CRISP2: variants seen among roughly 807,000 people sequenced by gnomAD.
CRISP2 encodes the protein cysteine-rich secretory protein 2.
CRISP2 carries 29 observed loss-of-function variants against 31.7 expected under a neutral mutation model. The ratio of observed to expected loss-of-function variants is 0.92; its 90% CI spans 0.68 to 1.25. CRISP2 has a LOEUF of 1.25. Ranked by LOEUF, CRISP2 falls within the 50% of genes most tolerant of loss-of-function variation. The pLI, the probability that CRISP2 is intolerant of heterozygous loss-of-function variation, is 0.00. For missense variants in CRISP2, 318 were observed against 286.5 expected, an observed-to-expected ratio of 1.11 and a Z score of -0.79; for synonymous variants, 111 against 101.4, an observed-to-expected ratio of 1.09 and a Z score of -0.57.
the CRISP2 span, among the ~76,000 whole-genome samples, chr6:49,685,800 T>G: frequency 6.6e-6 from 1 of 152,204 alleles, no homozygotes; most frequent in Non-Finnish European, 1.5e-5. Flanking sequence ...TATAGTTTGT[T>G]TTTTGTTTCT....
At chr6:49,698,548 A>C in intron 6 of CRISP2, 41 bp from the exon 7 acceptor site, 1 of 1,565,060 alleles carries the variant, frequency 6.4e-7, no homozygotes, top group Non-Finnish European at 8.6e-7. Flanking sequence ...ATAAACATGC[A>C]ATGGTAAAAG....
chr6:49,703,365 G>A (rs1766450499), intron 4 of CRISP2, among the ~76,000 whole-genome samples: 1 of 151,870 alleles, frequency 6.6e-6, no homozygotes, highest in South Asian at 2.1e-4. Context: ...AAATGATGAT[G>A]GTATTTTGAT....
chr6:49,695,938 T>C lies in CRISP2; in HGVS notation c.516-14A>G. The stretch of plus-strand genomic sequence containing the variant: ...ATATTATTACCACTGAAATTTGAAA[T>C]ACATGTCAAATATTTTTCACTTTAC... On this transcript the variant is annotated splice_polypyrimidine_tract_variant and intron_variant, in intron 8 of 9. Transcript: ENST00000339139. 6.4e-7 allele frequency: 1 copy of C among 1,554,374 alleles called. No individual in the cohort carries two copies. The highest frequency in any genetic ancestry group is 8.9e-7 in the Non-Finnish European group (1 of 1,128,582).
chr6:49,703,030 A>G (rs890165283), intron 4 of CRISP2, among the ~76,000 whole-genome samples: 4 of 152,096 alleles, frequency 2.6e-5, no homozygotes, highest in African/African-American at 9.7e-5. Context: ...TCATTCTTCT[A>G]CGTGGATCTT....
the CRISP2 span, among the ~76,000 whole-genome samples, chr6:49,686,075 C>T: frequency 6.6e-6 from 1 of 151,936 alleles, no homozygotes; most frequent in African/African-American, 2.4e-5. Context: ...AATGTGAAGC[C>T]ATATATTTTT....
At chr6:49,698,605 C>A in intron 6 of CRISP2, 98 bp from the exon 7 acceptor site, 1 of 1,233,966 alleles carries the variant, frequency 8.1e-7, no homozygotes, top group South Asian at 1.5e-5. Context: ...AACCCAGGGT[C>A]CAGCAGATGC....
chr6:49,711,647 T>C (rs1158770004), intron 2 of CRISP2, among the ~76,000 whole-genome samples: 1 of 152,192 alleles, frequency 6.6e-6, no homozygotes, highest in East Asian at 1.9e-4. Context: ...GGTTAACTAC[T>C]GTGAAGGTTA....
At chr6:49,688,324 A>C (rs887628740), downstream of CRISP2, among the ~76,000 whole-genome samples, 1 of 152,250 alleles carries the variant, frequency 6.6e-6, no homozygotes, top group Non-Finnish European at 1.5e-5. Flanking sequence ...TCTTCTGTTA[A>C]TACTAGAAGA....
rs1331760277 is a variant in CRISP2 at position 49,695,956 on chromosome 6, C to A, written c.516-32G>T. 3 of 1,450,634 alleles carry A rather than the reference C, an allele frequency of 2.1e-6. No homozygotes were observed. In the East Asian group the frequency reaches 6.8e-5, roughly 33 times the overall value. The allele number at this position is 1,450,634 out of a possible 1,614,324, so 89.9% of individuals were successfully genotyped here. A position where few individuals can be genotyped will look rare whatever the true frequency, so the allele number is the denominator to read the frequency against. On this transcript the variant is annotated intron_variant, in intron 8 of 9. Transcript: ENST00000339139. The stretch of plus-strand genomic sequence containing the variant: ...TTTGAAATACATGTCAAATATTTTT[C>A]ACTTTACTGTTTATACTCTAAGGGC...
At chr6:49,697,320 T>C (rs1466446087) in intron 8 of CRISP2, among the ~76,000 whole-genome samples, 1 of 152,164 alleles carries the variant, frequency 6.6e-6, no homozygotes. Flanking sequence ...TAAGATGTTA[T>C]CTTTTCTGTA....
chr6:49,689,177 G>T (rs769168952), downstream of CRISP2, among the ~76,000 whole-genome samples: 8 of 152,042 alleles, frequency 5.3e-5, no homozygotes, highest in Non-Finnish European at 1.2e-4. Context: ...CCTGGATTAT[G>T]AATTTCTGAT....
intron 6 of CRISP2, 131 bp downstream of exon 6, chr6:49,699,673 C>T (rs1365453532): frequency 3.3e-5 from 21 of 644,896 alleles, no homozygotes; most frequent in Non-Finnish European, 5.3e-6. Context: ...TATACAGATA[C>T]TTTGACTTCA....
At chr6:49,704,208 GT>G (rs1037159518) in intron 4 of CRISP2, among the ~76,000 whole-genome samples, 31 of 151,742 alleles carry the variant, frequency 2.0e-4, no homozygotes, top group African/African-American at 6.0e-4. Flanking sequence ...AGTTGTGATT[GT>G]TTTTTTATTT....
At chr6:49,708,753 T>C (rs1767492968) in intron 4 of CRISP2, among the ~76,000 whole-genome samples, 1 of 152,226 alleles carries the variant, frequency 6.6e-6, no homozygotes, top group African/African-American at 2.4e-5. Context: ...GAACCTAATA[T>C]ATTATTTAAT....
rs1205193744 is a variant in CRISP2 at position 49,692,579 on chromosome 6, C to G, written c.*194G>C. ...AGCACTAAATTTATGTCAGAGTTCA[C>G]AGTTGTCATCATCTACTATGCTACT... On this transcript the variant is annotated 3_prime_UTR_variant, in exon 10 of 10. Transcript: ENST00000339139. 4.1e-6 allele frequency: 2 copies of G among 490,496 alleles called. No individual in the cohort carries two copies. Among genetic ancestry groups the G allele is most frequent in the Non-Finnish European group, 7.2e-6 (2 of 277,852 alleles). 30.4% of individuals were successfully genotyped at this position (490,496 alleles called of 1,614,324 possible).
intron 2 of CRISP2, among the ~76,000 whole-genome samples, chr6:49,711,887 A>G (rs1021516047): frequency 2.6e-5 from 4 of 152,192 alleles, no homozygotes; most frequent in Non-Finnish European, 4.4e-5. Flanking sequence ...CACCTCTAAT[A>G]CAATAAACAC....
At position 49,692,817 on chromosome 6, in the gene CRISP2, C is replaced by G; in HGVS notation, c.688G>C (p.Glu230Gln). The G allele has an allele frequency of 6.2e-7, 1 of 1,613,778 alleles. No individual in the cohort carries two copies. Among genetic ancestry groups the G allele is most frequent in the Non-Finnish European group, 8.5e-7 (1 of 1,179,748 alleles). Reference sequence around the variant, plus strand: ...CATAGGCAAGTAGCCTTGCACTTTTCCTTGAGTAACTCATGTTCACAGCCA... The same window carrying G: ...CATAGGCAAGTAGCCTTGCACTTTTGCTTGAGTAACTCATGTTCACAGCCA... ...TAGCEHELLK[E>Q]KCKATCLCEN... Residue 230 changes from glutamate (E) to glutamine (Q), a missense_variant, in exon 10 of 10, where the codon GAA becomes CAA. Glu to Gln is a conservative substitution (Grantham distance 29, BLOSUM62 2). Transcript: ENST00000339139.
rs1278000506 is a variant in CRISP2 at position 49,708,868 on chromosome 6, CCAT to C, written c.66+260_66+262del. 1.3e-4 allele frequency among the ~76,000 whole-genome samples: 20 copies of C among 152,266 alleles called. No homozygotes were observed. In the East Asian group the frequency reaches 3.9e-3, roughly 29 times the overall value. ...TGTTTGAAATCTAGTGAGTTTCTTACCATCAGAGTACATTTTGCCTGTTCAAAC... is the reference window on the plus strand; with the variant it reads ...TGTTTGAAATCTAGTGAGTTTCTTACCAGAGTACATTTTGCCTGTTCAAAC... On this transcript the variant is annotated intron_variant, in intron 4 of 9. Coordinates refer to ENST00000339139, the MANE Select transcript of CRISP2 (RefSeq NM_003296.4).
chr6:49,699,757 T>C, intron 6 of CRISP2, 47 bp downstream of exon 6: 1 of 1,303,882 alleles, frequency 7.7e-7, no homozygotes. Flanking sequence ...GCTCTATTAT[T>C]ATTTTATTCA....
Sources: gnomAD v4.1 joint callset for allele counts (sites outside exome capture counted in the v4.1 genomes callset) on GRCh38, gnomAD v4.1.1 for gene constraint, MANE v1.5 for transcripts, NCBI Gene and HGNC (gene_info 2026-07-23, HGNC 2026-07-21) for gene names.